Variants in DGKI observed in about 807,000 individuals in gnomAD.
The protein encoded by DGKI is DAG kinase iota.
Under a neutral mutation model 147.5 loss-of-function variants are expected in DGKI, and 55 were observed. The observed-to-expected ratio is 0.37, with a 90% CI of 0.30 to 0.47. The LOEUF (loss-of-function observed/expected upper bound fraction) is 0.47. DGKI is among the 20% of genes least tolerant of loss of function. The pLI is 1.00. For synonymous variants in DGKI, 469 were observed against 477.1 expected, an observed-to-expected ratio of 0.98 and a Z score of 0.22; for missense variants, 1,007 against 1,323.8, an observed-to-expected ratio of 0.76 and a Z score of 3.71.
intron 21 of DGKI, among the ~76,000 whole-genome samples, chr7:137,511,247 A>C (rs1252260757): frequency 6.6e-6 from 1 of 152,256 alleles, no homozygotes; most frequent in Non-Finnish European, 1.5e-5. Context: ...CATCCCATTG[A>C]GAATCAAACT....
At chr7:137,729,880 G>C (rs983533075) in intron 1 of DGKI, among the ~76,000 whole-genome samples, 4 of 152,000 alleles carry the variant, frequency 2.6e-5, no homozygotes, top group African/African-American at 7.2e-5. Context: ...CTAAAATCAG[G>C]GGTGGAAAAG....
At chr7:137,650,636 C>T (rs1469643624) in intron 5 of DGKI, among the ~76,000 whole-genome samples, 5 of 152,174 alleles carry the variant, frequency 3.3e-5, no homozygotes, top group South Asian at 4.1e-4. Context: ...ACCCTCTTTC[C>T]TCCACATGAG....
chr7:137,443,338 A>T (rs1813584940), intron 28 of DGKI, among the ~76,000 whole-genome samples: 1 of 152,194 alleles, frequency 6.6e-6, no homozygotes, highest in Non-Finnish European at 1.5e-5. Flanking sequence ...GGGAAAAGAA[A>T]TATAGAGGTA....
intron 6 of DGKI, among the ~76,000 whole-genome samples, chr7:137,642,639 G>T (rs555400763): frequency 6.6e-6 from 1 of 152,174 alleles, no homozygotes; most frequent in South Asian, 2.1e-4. Context: ...TGAGGCATTC[G>T]GCTAACGTTA....
intron 2 of DGKI, among the ~76,000 whole-genome samples, chr7:137,688,579 C>A (rs1444143022): frequency 2.6e-5 from 4 of 152,234 alleles, no homozygotes; most frequent in African/African-American, 9.6e-5. Flanking sequence ...AAAGAAGGCC[C>A]TGCTGCTGCA....
At chr7:137,837,358 C>T (rs1008689374) in intron 1 of DGKI, among the ~76,000 whole-genome samples, 2 of 152,194 alleles carry the variant, frequency 1.3e-5, no homozygotes, top group African/African-American at 4.8e-5. Context: ...TTACAAAAAG[C>T]TTGGAAGTGC....
At chr7:137,459,023 T>C (rs999500590) in intron 27 of DGKI, among the ~76,000 whole-genome samples, 2 of 152,184 alleles carry the variant, frequency 1.3e-5, no homozygotes, top group African/African-American at 4.8e-5. Flanking sequence ...ACTATACACA[T>C]TGCGTATCCT....
intron 23 of DGKI, among the ~76,000 whole-genome samples, chr7:137,471,257 T>C (rs1490839969): frequency 6.6e-6 from 1 of 152,102 alleles, no homozygotes. Context: ...TAATAGGGAT[T>C]TGAAATGTTC....
chr7:137,773,050 G>T (rs1298350368), intron 1 of DGKI, among the ~76,000 whole-genome samples: 1 of 152,138 alleles, frequency 6.6e-6, no homozygotes, highest in Admixed American at 6.6e-5. Flanking sequence ...TTACTTCTCA[G>T]CAAGTGACAC....
chr7:137,436,300 G>C (rs748868453), intron 28 of DGKI, among the ~76,000 whole-genome samples: 1 of 151,986 alleles, frequency 6.6e-6, no homozygotes, highest in Non-Finnish European at 1.5e-5. Context: ...TCTGTGTCAA[G>C]GGTTTTTCTT....
At chr7:137,708,092 A>G (rs1023346084) in intron 1 of DGKI, among the ~76,000 whole-genome samples, 1 of 152,164 alleles carries the variant, frequency 6.6e-6, no homozygotes, top group South Asian at 2.1e-4. Flanking sequence ...CTTGTGGCCT[A>G]TTCCTGCCTG....
At chr7:137,627,416 A>G (rs1379634239) in intron 6 of DGKI, among the ~76,000 whole-genome samples, 5 of 152,218 alleles carry the variant, frequency 3.3e-5, no homozygotes, top group African/African-American at 7.2e-5. Flanking sequence ...TAGGCATGCC[A>G]TGATATTTTC....
chr7:137,714,218 T>C (rs1794304706), intron 1 of DGKI, among the ~76,000 whole-genome samples: 1 of 152,238 alleles, frequency 6.6e-6, no homozygotes, highest in South Asian at 2.1e-4. Context: ...ATTAAAACAA[T>C]ATTGGGCATA....
At chr7:137,393,298 ATC>A (rs1811433017) in intron 32 of DGKI, among the ~76,000 whole-genome samples, 1 of 152,118 alleles carries the variant, frequency 6.6e-6, no homozygotes, top group South Asian at 2.1e-4. Context: ...TGAGTCTTTT[ATC>A]TGATTCAGAA....
intron 3 of DGKI, among the ~76,000 whole-genome samples, chr7:137,665,812 G>A (rs1212217350): frequency 6.6e-6 from 1 of 152,058 alleles, no homozygotes; most frequent in South Asian, 2.1e-4. Flanking sequence ...TCATCTGAAG[G>A]GAAAGAAAAC....
At chr7:137,711,531 T>C (rs1794213391) in intron 1 of DGKI, among the ~76,000 whole-genome samples, 1 of 152,078 alleles carries the variant, frequency 6.6e-6, no homozygotes, top group Admixed American at 6.5e-5. Flanking sequence ...TTACATAACA[T>C]TTTAAATGCA....
At chr7:137,654,968 C>A (rs545539523) in intron 4 of DGKI, among the ~76,000 whole-genome samples, 180 bp from the exon 5 acceptor site, 1 of 152,114 alleles carries the variant, frequency 6.6e-6, no homozygotes, top group Non-Finnish European at 1.5e-5. Context: ...AACAGAGATC[C>A]CAGGTGATTC....
chr7:137,620,198 CTT>C (rs1452408421), intron 7 of DGKI, among the ~76,000 whole-genome samples: 1 of 152,116 alleles, frequency 6.6e-6, no homozygotes, highest in African/African-American at 2.4e-5. Flanking sequence ...GGTTTACAAA[CTT>C]ATAACATTGA....
intron 1 of DGKI, among the ~76,000 whole-genome samples, chr7:137,759,082 A>T (rs1795774897): frequency 6.6e-6 from 1 of 152,138 alleles, no homozygotes; most frequent in African/African-American, 2.4e-5. Context: ...CATTGTACCC[A>T]ACAGGTAATT....
Sources: allele counts gnomAD v4.1 joint callset (sites outside exome capture counted in the v4.1 genomes callset), GRCh38; gene constraint gnomAD v4.1.1; transcripts MANE v1.5; gene names NCBI Gene and HGNC (gene_info 2026-07-23, HGNC 2026-07-21).